RGS4: variants seen among roughly 807,000 people sequenced by gnomAD.
The protein encoded by RGS4 is schizophrenia disorder 9.
A neutral mutation model predicts 21.6 loss-of-function variants in RGS4; 15 were observed. The observed-to-expected ratio is 0.69, with a 90% CI of 0.46 to 1.07. The LOEUF is 1.07. Among genes scored for constraint, RGS4 ranks in the 50% least tolerant of loss-of-function variants. The pLI, the probability that RGS4 is intolerant of heterozygous loss-of-function variation, is 0.00. For missense variants in RGS4, 237 were observed against 239.0 expected (o/e 0.99, Z 0.06); for synonymous variants, 94 against 85.5 (o/e 1.10, Z -0.55).
At chr1:163,074,045 G>C (rs1655415881) in intron 4 of RGS4, 1 of 479,424 alleles carries the variant, frequency 2.1e-6, no homozygotes, top group Non-Finnish European at 3.7e-6. Context: ...TATCCATGTG[G>C]CTTACCATAA....
In RGS4 at chr1:163,074,623, A is replaced by T; in HGVS notation, c.*63A>T. ...CTATGCTCTGGAAAACCTGAGGCCA[A>T]ATATTGATCTGTATTAAGCTCCAGT... On this transcript the variant is annotated 3_prime_UTR_variant, in exon 5 of 5. Transcript: ENST00000367909. 8.1e-6 allele frequency: 13 copies of T among 1,610,252 alleles called. No individual in the cohort carries two copies. The highest frequency in any genetic ancestry group is 1.1e-5 in the Non-Finnish European group (13 of 1,176,892).
At chr1:163,070,705 G>A (rs2842030) in intron 1 of RGS4, 2 of 151,968 alleles carry the variant, frequency 1.3e-5, no homozygotes, top group East Asian at 3.9e-4. Flanking sequence ...AGTGTCAGGA[G>A]AAAGTTATGC....
chr1:163,071,143 T>C, intron 1 of RGS4, among the ~76,000 whole-genome samples: 1 of 152,162 alleles, frequency 6.6e-6, no homozygotes, highest in Non-Finnish European at 1.5e-5. Context: ...ATTATCACCT[T>C]GGAATCACCC....
At chr1:163,069,360 G>A (rs907896092), upstream of RGS4, 4 of 1,560,532 alleles carry the variant, frequency 2.6e-6, no homozygotes, top group African/African-American at 5.4e-5. Flanking sequence ...GGCTTAGCAG[G>A]AAGACGCTCA....
rs1262485921 is a variant in RGS4 at position 163,074,621 on chromosome 1, C to A, written c.*61C>A. ...CTCTATGCTCTGGAAAACCTGAGGCCAAATATTGATCTGTATTAAGCTCCA... is the reference window on the plus strand; with the variant it reads ...CTCTATGCTCTGGAAAACCTGAGGCAAAATATTGATCTGTATTAAGCTCCA... On this transcript the variant is annotated 3_prime_UTR_variant, in exon 5 of 5. Coordinates refer to ENST00000367909, the MANE Select transcript of RGS4 (RefSeq NM_005613.6). The A allele has an allele frequency of 6.2e-7, 1 of 1,610,160 alleles. No homozygotes were observed. Among genetic ancestry groups the A allele is most frequent in the Admixed American group, 1.7e-5 (1 of 59,902 alleles).
intron 4 of RGS4, 103 bp downstream of exon 4, chr1:163,073,725 C>T (rs1260193892): frequency 5.8e-6 from 4 of 692,552 alleles, no homozygotes; most frequent in Admixed American, 6.7e-5. Context: ...AGGGCAATTG[C>T]TATATACATA....
At chr1:163,069,702 C>T (rs963416152) in intron 1 of RGS4, among the ~76,000 whole-genome samples, 174 bp downstream of exon 1, 5 of 152,262 alleles carry the variant, frequency 3.3e-5, no homozygotes, top group African/African-American at 7.2e-5. Context: ...AAGACATGTG[C>T]TCCCCAAATT....
In RGS4 at chr1:163,073,557, T is replaced by C; in HGVS notation, c.313T>C (p.Ser105Pro). The change falls in exon 4 of 5, where the codon TCT becomes CCT. Residue 105 changes from serine to proline, a missense_variant. Coordinates refer to ENST00000367909, the MANE Select transcript of RGS4 (RefSeq NM_005613.6). The stretch of plus-strand genomic sequence containing the variant: ...AGAGTACAAGAAAATCAAATCACCA[T>C]CTAAACTAAGTCCCAAGGCCAAAAA... Reference protein sequence around the residue: ...CEEYKKIKSPSKLSPKAKKIY... With the variant: ...CEEYKKIKSPPKLSPKAKKIY... 4.3e-6 allele frequency: 7 copies of C among 1,612,352 alleles called. No homozygotes were observed. Among genetic ancestry groups the C allele is most frequent in the Non-Finnish European group, 5.9e-6 (7 of 1,179,338 alleles).
intron 1 of RGS4, 115 bp from the exon 2 acceptor site, chr1:163,072,280 C>G: frequency 1.1e-6 from 1 of 907,872 alleles, no homozygotes; most frequent in East Asian, 2.7e-5. Flanking sequence ...AACTCCCGTT[C>G]CCTAAACTGT....
intron 1 of RGS4, among the ~76,000 whole-genome samples, chr1:163,071,061 TC>T (rs1655282884): frequency 6.6e-6 from 1 of 152,170 alleles, no homozygotes; most frequent in Non-Finnish European, 1.5e-5. Context: ...GATTAATAAC[TC>T]TAGGATCTCA....
Position 163,071,570 on chromosome 1 carries a change from C to CTATTAAA in RGS4, c.45-824_45-823insATTAAAT, listed in dbSNP as rs879589181. Among the ~76,000 whole-genome samples, 675 of 152,170 alleles carry CTATTAAA rather than the reference C, an allele frequency of 4.4e-3. 12 individuals are homozygous for CTATTAAA. The highest frequency in any genetic ancestry group is 0.037 in the Admixed American group (561 of 15,272). The stretch of plus-strand genomic sequence containing the variant: ...AGTTAGTCAGGAGCTCTAATGTGCC[C>CTATTAAA]TGGCTACCTATTAAATGGTGGCAAT... On this transcript the variant is annotated intron_variant, in intron 1 of 4. Transcript: ENST00000367909.
Position 163,075,007 on chromosome 1 carries a change from T to C in RGS4, c.*447T>C, listed in dbSNP as rs1655450133. On this transcript the variant is annotated 3_prime_UTR_variant, in exon 5 of 5. Coordinates refer to ENST00000367909, the MANE Select transcript of RGS4 (RefSeq NM_005613.6). The stretch of plus-strand genomic sequence containing the variant: ...GCTATGATATGTGCTTGTGTGTATG[T>C]CTATGTGTATATATTATATATACAT... 2.5e-5 allele frequency: 9 copies of C among 362,426 alleles called. No homozygotes were observed. The Admixed American group carries it at 3.5e-4, about 14-fold the overall frequency. The allele number at this position is 362,426 out of a possible 1,614,324, so 22.5% of individuals were successfully genotyped here.
Position 163,072,837 on chromosome 1 carries a change from A to G in RGS4, c.182A>G (p.Glu61Gly). 6.2e-7 allele frequency: 1 copy of G among 1,613,244 alleles called. No homozygotes were observed. The highest frequency in any genetic ancestry group is 1.7e-4 in the Middle Eastern group (1 of 6,052). Residue 61 changes from glutamate (E) to glycine (G), a missense_variant, in exon 3 of 5, where the codon GAA becomes GGA. Physicochemically the swap from Glu to Gly is moderately conservative, Grantham distance 98 (BLOSUM62 -2). Coordinates refer to ENST00000367909, the MANE Select transcript of RGS4 (RefSeq NM_005613.6). ...VSQEEVKKWA[E>G]SLENLISHEC... is the part of the protein sequence containing the mutation. The stretch of plus-strand genomic sequence containing the variant: ...CAAGAGGAAGTCAAGAAATGGGCTG[A>G]ATCACTGGAAAACCTGATTAGTCAT...
At position 163,073,575 on chromosome 1, in the gene RGS4, G is replaced by A. The variant is rs567536966; in HGVS notation, c.331G>A (p.Ala111Thr). ...IKSPSKLSPK[A>T]KKIYNEFISV... ...ATCACCATCTAAACTAAGTCCCAAGGCCAAAAAGATCTATAATGAATTCAT... is the reference window on the plus strand; with the variant it reads ...ATCACCATCTAAACTAAGTCCCAAGACCAAAAAGATCTATAATGAATTCAT... The change falls in exon 4 of 5, where the codon GCC becomes ACC. Residue 111 changes from alanine to threonine, a missense_variant. Coordinates refer to ENST00000367909, the MANE Select transcript of RGS4 (RefSeq NM_005613.6). The A allele has an allele frequency of 1.2e-6, 2 of 1,610,584 alleles. No individual in the cohort carries two copies. Among genetic ancestry groups the A allele is most frequent in the East Asian group, 2.2e-5 (1 of 44,688 alleles).
chr1:163,073,987 C>A, intron 4 of RGS4: 1 of 385,272 alleles, frequency 2.6e-6, no homozygotes, highest in South Asian at 4.4e-5. Flanking sequence ...AGCTGACTAT[C>A]ATAATCTTGA....
chr1:163,069,655 C>G, intron 1 of RGS4, 127 bp downstream of exon 1: 3 of 744,342 alleles, frequency 4.0e-6, no homozygotes, highest in Non-Finnish European at 6.5e-6. Flanking sequence ...GCACGACTTT[C>G]TAACTTTCCT....
At chr1:163,073,412 C>T (rs772430184) in intron 3 of RGS4, 44 bp from the exon 4 acceptor site, 8 of 1,486,530 alleles carry the variant, frequency 5.4e-6, no homozygotes, top group Non-Finnish European at 7.2e-6. Context: ...TCCAAGAGGC[C>T]AACCAGTGTG....
chr1:163,069,031 G>A, upstream of RGS4: 3 of 1,577,386 alleles, frequency 1.9e-6, no homozygotes, highest in Non-Finnish European at 2.6e-6. Flanking sequence ...TTCCTTCCAG[G>A]AAGCAACTTC....
chr1:163,071,103 G>C (rs533159072), intron 1 of RGS4, among the ~76,000 whole-genome samples: 1 of 152,026 alleles, frequency 6.6e-6, no homozygotes, highest in Non-Finnish European at 1.5e-5. Context: ...ATATGAATTC[G>C]TTTCTATTTG....
Sources: allele counts gnomAD v4.1 joint callset (sites outside exome capture counted in the v4.1 genomes callset), GRCh38; gene constraint gnomAD v4.1.1; transcripts MANE v1.5; gene names NCBI Gene and HGNC (gene_info 2026-07-23, HGNC 2026-07-21).